Variants in RARS2 observed in about 807,000 individuals in gnomAD.
The protein encoded by RARS2 is arginyl-tRNA synthetase 2, mitochondrial.
RARS2 carries 67 observed loss-of-function variants against 88.5 expected under a neutral mutation model. That is an observed-to-expected ratio of 0.76 (90% CI 0.62 to 0.93). The LOEUF is 0.93. RARS2 is among the 40% of genes least tolerant of loss of function. RARS2 has a pLI of 0.00. For missense variants in RARS2, 664 were observed against 684.2 expected (o/e 0.97, Z 0.33); for synonymous variants, 239 against 230.3 (o/e 1.04, Z -0.34).
intron 1 of RARS2, chr6:87,589,616 C>T: frequency 1.1e-6 from 1 of 944,774 alleles, no homozygotes; most frequent in Non-Finnish European, 1.3e-6. Context: ...TCTATGGGGT[C>T]TAATCATGGT....
intron 10 of RARS2, among the ~76,000 whole-genome samples, chr6:87,529,194 CAGGGATTTCTTTTAAA>C (rs1163615703): frequency 6.6e-6 from 1 of 152,026 alleles, no homozygotes; most frequent in African/African-American, 2.4e-5. Context: ...TTTGAAAAGG[CAGGGATTTCTTTTAAA>C]AGGTAAAACT....
chr6:87,583,589 CAAA>C (rs5878038), intron 1 of RARS2, among the ~76,000 whole-genome samples: 1 of 125,430 alleles, frequency 8.0e-6, no homozygotes, highest in Non-Finnish European at 1.8e-5. Flanking sequence ...AACTGCGTCT[CAAA>C]AAAAAAAAAA....
At chr6:87,580,634 A>G (rs1302715459) in intron 1 of RARS2, among the ~76,000 whole-genome samples, 1 of 151,044 alleles carries the variant, frequency 6.6e-6, no homozygotes, top group Non-Finnish European at 1.5e-5. Flanking sequence ...AGATTTTTGT[A>G]GAGATGAAGT....
intron 5 of RARS2, among the ~76,000 whole-genome samples, chr6:87,550,218 G>A (rs890637829): frequency 6.6e-5 from 10 of 152,088 alleles, no homozygotes; most frequent in African/African-American, 2.4e-4. Flanking sequence ...TTACTCTTCT[G>A]CCTTTAAATA....
At position 87,522,137 on chromosome 6, in the gene RARS2, C is replaced by G. The variant is rs181550765; in HGVS notation, c.975-613G>C. On this transcript the variant is annotated intron_variant, in intron 11 of 19. Coordinates refer to ENST00000369536, the MANE Select transcript of RARS2 (RefSeq NM_020320.5). ...ACGAGGTCAGGAGTTTGAGACCAGCCTGACCAACATGGTGAAACCCCGTCT... is the reference window on the plus strand; with the variant it reads ...ACGAGGTCAGGAGTTTGAGACCAGCGTGACCAACATGGTGAAACCCCGTCT... 2.3e-3 allele frequency among the ~76,000 whole-genome samples: 348 copies of G among 152,182 alleles called. 1 individual carries two copies. The highest frequency in any genetic ancestry group is 7.7e-3 in the African/African-American group (321 of 41,512).
intron 4 of RARS2, among the ~76,000 whole-genome samples, chr6:87,557,181 T>A (rs1786234079): frequency 6.6e-6 from 1 of 152,132 alleles, no homozygotes; most frequent in Admixed American, 6.5e-5. Flanking sequence ...ATTTCCCATT[T>A]AATGGATGCA....
At chr6:87,561,756 T>C (rs1438395090) in intron 4 of RARS2, among the ~76,000 whole-genome samples, 1 of 152,194 alleles carries the variant, frequency 6.6e-6, no homozygotes, top group African/African-American at 2.4e-5. Flanking sequence ...TTTATTCAAA[T>C]TCTCACTAAG....
chr6:87,525,838 G>A (rs775578009), intron 10 of RARS2, among the ~76,000 whole-genome samples: 11 of 151,766 alleles, frequency 7.2e-5, no homozygotes, highest in Non-Finnish European at 1.3e-4. Flanking sequence ...GAGCCACCGC[G>A]CCCAGCCAAA....
At chr6:87,517,203 G>A (rs1015676394) in intron 17 of RARS2, among the ~76,000 whole-genome samples, 3 of 152,082 alleles carry the variant, frequency 2.0e-5, no homozygotes, top group Admixed American at 6.6e-5. Context: ...ACTTGACCCC[G>A]GGAGGTGAAG....
At chr6:87,583,698 C>T (rs553895525) in intron 1 of RARS2, among the ~76,000 whole-genome samples, 10 of 152,104 alleles carry the variant, frequency 6.6e-5, no homozygotes, top group Admixed American at 1.3e-4. Context: ...GAGCCAGACA[C>T]GTACTGGCCA....
Position 87,514,287 on chromosome 6 carries a change from G to T in RARS2, c.*126C>A. 1 of 598,876 alleles carries T rather than the reference G, an allele frequency of 1.7e-6. No individual in the cohort carries two copies. The highest frequency in any genetic ancestry group is 1.8e-5 in the South Asian group (1 of 54,684). 37.1% of individuals were successfully genotyped at this position (598,876 alleles called of 1,614,324 possible). A position where few individuals can be genotyped will look rare whatever the true frequency, so the allele number is the denominator to read the frequency against. On this transcript the variant is annotated 3_prime_UTR_variant, in exon 20 of 20. Transcript: ENST00000369536. Reference sequence around the variant, plus strand: ...CATCACACCATTGCACTCCAGCCTGGGCAACAAGAGCGAAACTCCATCTCA... The same window carrying T: ...CATCACACCATTGCACTCCAGCCTGTGCAACAAGAGCGAAACTCCATCTCA...
chr6:87,521,905 C>A (rs550056854), intron 11 of RARS2, among the ~76,000 whole-genome samples: 1 of 152,168 alleles, frequency 6.6e-6, no homozygotes, highest in Non-Finnish European at 1.5e-5. Flanking sequence ...GCAATATATT[C>A]TCTTAATGAA....
Position 87,528,223 on chromosome 6 carries a change from G to GT in RARS2, c.878+1318dup, listed in dbSNP as rs911706593. On this transcript the variant is annotated intron_variant, in intron 10 of 19. Coordinates refer to ENST00000369536, the MANE Select transcript of RARS2 (RefSeq NM_020320.5). ...CACAATAAGATATTTCTTCACACTT[G>GT]TTAAGATGGCTTTTATAACAAAAAA... 2.8e-5 allele frequency among the ~76,000 whole-genome samples: 4 copies of GT among 141,802 alleles called. No individual in the cohort carries two copies. In the Admixed American group the frequency reaches 2.9e-4, roughly 10 times the overall value. 93.0% of individuals were successfully genotyped at this position (141,802 alleles called of 152,430 possible).
intron 1 of RARS2, among the ~76,000 whole-genome samples, chr6:87,570,649 A>G (rs1030772679): frequency 6.6e-6 from 1 of 151,998 alleles, no homozygotes; most frequent in East Asian, 1.9e-4. Context: ...CAAACTCCTG[A>G]CCTCAGATGA....
At chr6:87,557,796 T>A (rs931164084) in intron 4 of RARS2, among the ~76,000 whole-genome samples, 1 of 152,234 alleles carries the variant, frequency 6.6e-6, no homozygotes, top group Non-Finnish European at 1.5e-5. Context: ...TTCCACCATC[T>A]GCCCTTGACT....
intron 6 of RARS2, among the ~76,000 whole-genome samples, chr6:87,547,359 T>C (rs1287582330): frequency 6.6e-6 from 1 of 152,220 alleles, no homozygotes; most frequent in East Asian, 1.9e-4. Context: ...CAACAATCTA[T>C]GCCACAAGTA....
intron 8 of RARS2, among the ~76,000 whole-genome samples, chr6:87,539,050 AAATAAATG>A (rs1455257155): frequency 6.6e-6 from 1 of 151,796 alleles, no homozygotes; most frequent in Non-Finnish European, 1.5e-5. Flanking sequence ...ATAAATAAAT[AAATAAATG>A]AATAAATAAA....
chr6:87,580,680 T>C (rs9444519), intron 1 of RARS2, among the ~76,000 whole-genome samples: 92,049 of 151,300 alleles, frequency 0.61, 28,834 homozygotes, highest in African/African-American at 0.75. Context: ...AGGGTGGTCT[T>C]GAACTGGACT....
In RARS2 at chr6:87,542,008, C is replaced by T. The variant is rs1173557651; in HGVS notation, c.536-14G>A. 6.2e-7 allele frequency: 1 copy of T among 1,603,914 alleles called. No individual in the cohort carries two copies. The highest frequency in any genetic ancestry group is 1.7e-5 in the Admixed American group (1 of 59,966). On this transcript the variant is annotated splice_polypyrimidine_tract_variant and intron_variant, in intron 7 of 19. Coordinates refer to ENST00000369536, the MANE Select transcript of RARS2 (RefSeq NM_020320.5). ...TTCCCAGAAGACCTACCATGATAAT[C>T]CGTAAATGAAAAATTATAAAGTTGA...
Sources: gnomAD v4.1 joint callset for allele counts (sites outside exome capture counted in the v4.1 genomes callset) on GRCh38, gnomAD v4.1.1 for gene constraint, MANE v1.5 for transcripts, NCBI Gene and HGNC (gene_info 2026-07-23, HGNC 2026-07-21) for gene names.